The following AGK variants were observed in gnomAD, a reference collection of about 807,000 sequenced individuals.
AGK encodes the protein acylglycerol kinase.
AGK carries 52 observed loss-of-function variants against 66.4 expected under a neutral mutation model. The observed-to-expected ratio is 0.78, with a 90% confidence interval of 0.63 to 0.99. The LOEUF (loss-of-function observed/expected upper bound fraction) is 0.99. AGK is among the 50% of genes least tolerant of loss of function. The pLI, the probability that AGK is intolerant of heterozygous loss-of-function variation, is 0.00. For missense variants in AGK, 451 were observed against 506.6 expected (o/e 0.89, Z 1.05); for synonymous variants, 182 against 181.1 (o/e 1.00, Z -0.04).
chr7:141,617,031 A>G (rs897789282), intron 8 of AGK, among the ~76,000 whole-genome samples: 1 of 152,120 alleles, frequency 6.6e-6, no homozygotes. Flanking sequence ...TCAGTTGGCC[A>G]TACTTTTTAT....
At chr7:141,614,078 AATCC>A in intron 6 of AGK, 64 bp from the exon 7 acceptor site, 1 of 1,186,534 alleles carries the variant, frequency 8.4e-7, no homozygotes, top group Non-Finnish European at 1.2e-6. Context: ...ATGAAAATTG[AATCC>A]AATTCTTTTA....
chr7:141,641,814 T>C lies in AGK; in HGVS notation c.881T>C (p.Leu294Pro), dbSNP rs863223893. ...TGTATCTAATGGATTCCCACAGCCC[T>C]TTCCCAAGAGGTGAGCCCGGAGGTC... ...ASYWAQPQDA[L>P]SQEVSPEVWK... Residue 294 changes from leucine to proline, a missense_variant, in exon 13 of 16, where the codon CTT (leucine) becomes CCT (proline). By Grantham distance (98) the Leu-to-Pro change is moderately conservative. Coordinates refer to ENST00000649286, the MANE Select transcript of AGK (RefSeq NM_018238.4). 1.3e-5 allele frequency: 20 copies of C among 1,573,974 alleles called. No individual in the cohort carries two copies. Among genetic ancestry groups the C allele is most frequent in the South Asian group, 2.3e-5 (2 of 85,592 alleles).
chr7:141,595,920 G>A (rs1289454910), intron 3 of AGK, among the ~76,000 whole-genome samples: 1 of 152,046 alleles, frequency 6.6e-6, no homozygotes, highest in Non-Finnish European at 1.5e-5. Context: ...TCCTGATTCT[G>A]GACTTTCTAA....
chr7:141,613,468 A>T (rs1338598616), intron 6 of AGK, among the ~76,000 whole-genome samples: 3 of 152,074 alleles, frequency 2.0e-5, no homozygotes, highest in Admixed American at 6.6e-5. Context: ...AAAGTACAAA[A>T]ATTAGCAGGG....
At chr7:141,628,296 A>T (rs1293831683) in intron 9 of AGK, among the ~76,000 whole-genome samples, 1 of 152,228 alleles carries the variant, frequency 6.6e-6, no homozygotes, top group Non-Finnish European at 1.5e-5. Flanking sequence ...TTGATGACAC[A>T]ACCCAGGAAG....
At chr7:141,629,480 A>G (rs767553396) in intron 9 of AGK, among the ~76,000 whole-genome samples, 1 of 152,242 alleles carries the variant, frequency 6.6e-6, no homozygotes, top group Non-Finnish European at 1.5e-5. Context: ...GACTTTGTCT[A>G]TTATTGGCTT....
At chr7:141,632,241 A>AT (rs1293935086) in intron 9 of AGK, among the ~76,000 whole-genome samples, 1 of 150,946 alleles carries the variant, frequency 6.6e-6, no homozygotes, top group Non-Finnish European at 1.5e-5. Context: ...AAAAAAAAAA[A>AT]AAACAAAAAA....
At chr7:141,571,102 CT>C (rs1382672688) in intron 2 of AGK, among the ~76,000 whole-genome samples, 1 of 152,150 alleles carries the variant, frequency 6.6e-6, no homozygotes, top group Non-Finnish European at 1.5e-5. Flanking sequence ...TTCATTATAA[CT>C]TTTTTGCATT....
chr7:141,613,567 C>T (rs530350206), intron 6 of AGK, among the ~76,000 whole-genome samples: 5 of 152,218 alleles, frequency 3.3e-5, no homozygotes, highest in African/African-American at 9.6e-5. Flanking sequence ...TGCAGTGAGC[C>T]GAGATCATGC....
intron 7 of AGK, 89 bp downstream of exon 7, chr7:141,614,267 A>C: frequency 9.9e-7 from 1 of 1,009,228 alleles, no homozygotes; most frequent in Non-Finnish European, 1.4e-6. Flanking sequence ...TTTCCATTGT[A>C]TATTTTAAAA....
chr7:141,561,162 C>T (rs1184289460), intron 2 of AGK, among the ~76,000 whole-genome samples: 1 of 152,158 alleles, frequency 6.6e-6, no homozygotes, highest in African/African-American at 2.4e-5. Flanking sequence ...TCTTTAGCCA[C>T]TTGTTGGTTG....
At position 141,558,648 on chromosome 7, in the gene AGK, G is replaced by A. The variant is rs187869003; in HGVS notation, c.101+3081G>A. The stretch of plus-strand genomic sequence containing the variant: ...AATTATTTTGGATATATGCCCAGAA[G>A]TGGGGATTGCTAGATCATATGGTAG... On this transcript the variant is annotated intron_variant, in intron 2 of 15. Coordinates refer to ENST00000649286, the MANE Select transcript of AGK (RefSeq NM_018238.4). 2.0e-4 allele frequency among the ~76,000 whole-genome samples: 30 copies of A among 152,260 alleles called. No homozygotes were observed. The East Asian group carries it at 3.1e-3, about 16-fold the overall frequency.
intron 2 of AGK, among the ~76,000 whole-genome samples, chr7:141,567,154 C>T (rs1414507453): frequency 6.6e-6 from 1 of 152,088 alleles, no homozygotes; most frequent in Non-Finnish European, 1.5e-5. Flanking sequence ...CCTCATGTTC[C>T]ATTCTCATTC....
intron 2 of AGK, among the ~76,000 whole-genome samples, chr7:141,587,964 T>G (rs1050914824): frequency 5.9e-5 from 9 of 152,218 alleles, no homozygotes; most frequent in Admixed American, 2.6e-4. Context: ...ATCCTAAGCT[T>G]CTTCAGGGCA....
At chr7:141,554,784 G>GT (rs1316526155) in intron 1 of AGK, among the ~76,000 whole-genome samples, 2 of 152,214 alleles carry the variant, frequency 1.3e-5, no homozygotes, top group African/African-American at 4.8e-5. Context: ...CTTTAAAGGA[G>GT]TGTATGAGTG....
intron 2 of AGK, among the ~76,000 whole-genome samples, chr7:141,591,711 TC>T (rs1211910224): frequency 1.3e-5 from 2 of 152,244 alleles, no homozygotes; most frequent in Non-Finnish European, 2.9e-5. Flanking sequence ...TTCAAGTTTT[TC>T]TATAAATTGG....
At chr7:141,571,369 C>G (rs1795602762) in intron 2 of AGK, among the ~76,000 whole-genome samples, 1 of 152,186 alleles carries the variant, frequency 6.6e-6, no homozygotes, top group South Asian at 2.1e-4. Context: ...AATACAGACT[C>G]TTAGGCCCCA....
intron 2 of AGK, among the ~76,000 whole-genome samples, chr7:141,567,385 C>A (rs573081304): frequency 6.6e-6 from 1 of 152,090 alleles, no homozygotes; most frequent in African/African-American, 2.4e-5. Context: ...CTTTTGGTAT[C>A]AGATATTATT....
intron 3 of AGK, chr7:141,593,946 A>T (rs1178211548): frequency 1.3e-5 from 2 of 153,692 alleles, no homozygotes; most frequent in Admixed American, 6.4e-5. Flanking sequence ...TTAATGGATG[A>T]CAGTGAGAAT....
Sources: allele counts gnomAD v4.1 joint callset (sites outside exome capture counted in the v4.1 genomes callset), GRCh38; gene constraint gnomAD v4.1.1; transcripts MANE v1.5; gene names NCBI Gene and HGNC (gene_info 2026-07-23, HGNC 2026-07-21).